EXT2: variants seen among roughly 807,000 people sequenced by gnomAD.
The protein encoded by EXT2 is exostosin-2.
A neutral mutation model predicts 81.6 loss-of-function variants in EXT2; 53 were observed. That is an observed-to-expected ratio of 0.65 (90% confidence interval 0.52 to 0.82). The LOEUF (loss-of-function observed/expected upper bound fraction) is 0.82, where lower values mean the gene tolerates loss of function less well. EXT2 is among the 40% of genes least tolerant of loss of function. EXT2 has a pLI of 0.00. For synonymous variants in EXT2, 320 were observed against 340.0 expected (o/e 0.94, Z 0.65); for missense variants, 774 against 910.2 (o/e 0.85, Z 1.93).
chr11:44,251,198 T>C lies in EXT2; in HGVS notation c.*6911T>C, dbSNP rs1453845455. 8.6e-5 allele frequency among the ~76,000 whole-genome samples: 13 copies of C among 150,618 alleles called. 1 individual carries two copies. On this transcript the variant is annotated 3_prime_UTR_variant, in exon 14 of 14. Transcript: ENST00000533608. Reference sequence around the variant, plus strand: ...AGAATTCAAGGATTTTTTTTTTCTCTTTTCATAGCACCTTCCAGTTGCCAG... The same window carrying C: ...AGAATTCAAGGATTTTTTTTTTCTCCTTTCATAGCACCTTCCAGTTGCCAG...
intron 7 of EXT2, among the ~76,000 whole-genome samples, chr11:44,147,264 A>G (rs889843572): frequency 6.6e-6 from 1 of 152,230 alleles, no homozygotes; most frequent in Non-Finnish European, 1.5e-5. Context: ...ATAGAATTGT[A>G]GTCTCCTTGG....
At chr11:44,128,896 A>C (rs976039207) in intron 6 of EXT2, among the ~76,000 whole-genome samples, 1 of 152,232 alleles carries the variant, frequency 6.6e-6, no homozygotes, top group East Asian at 1.9e-4. Context: ...GTAATATACC[A>C]GGTGCTGAGG....
At chr11:44,102,666 A>C (rs1954003099) in intron 1 of EXT2, among the ~76,000 whole-genome samples, 1 of 150,600 alleles carries the variant, frequency 6.6e-6, no homozygotes, top group South Asian at 2.1e-4. Flanking sequence ...TGCTGAGGCC[A>C]CTTGGGACTC....
chr11:44,215,197 A>C (rs1955703441), intron 10 of EXT2, among the ~76,000 whole-genome samples: 1 of 152,160 alleles, frequency 6.6e-6, no homozygotes, highest in South Asian at 2.1e-4. Context: ...TTGATAGATC[A>C]GGTCATTGAT....
chr11:44,225,764 A>C (rs1213775192), intron 10 of EXT2, among the ~76,000 whole-genome samples: 1 of 152,110 alleles, frequency 6.6e-6, no homozygotes, highest in African/African-American at 2.4e-5. Context: ...CAGCACTGTA[A>C]CCTTGGGAGA....
intron 7 of EXT2, among the ~76,000 whole-genome samples, chr11:44,132,719 C>T (rs546063732): frequency 3.9e-5 from 6 of 152,284 alleles, no homozygotes; most frequent in Admixed American, 3.9e-4. Flanking sequence ...ACTATGCCAG[C>T]TTAAAAAGAA....
At chr11:44,235,434 C>T (rs1313089446) in intron 12 of EXT2, among the ~76,000 whole-genome samples, 5 of 151,612 alleles carry the variant, frequency 3.3e-5, no homozygotes, top group South Asian at 2.1e-4. Flanking sequence ...TTAGTAGAGA[C>T]GGCATTTCAC....
chr11:44,159,415 C>T (rs1954900434), intron 7 of EXT2, among the ~76,000 whole-genome samples: 1 of 151,866 alleles, frequency 6.6e-6, no homozygotes, highest in African/African-American at 2.4e-5. Context: ...AGATTATTTC[C>T]TCAGTTATAT....
At chr11:44,197,706 TA>T in intron 8 of EXT2, 122 bp from the exon 9 acceptor site, 1 of 962,884 alleles carries the variant, frequency 1.0e-6, no homozygotes, top group Non-Finnish European at 1.6e-6. Context: ...AGCAGTTGCT[TA>T]GCTCTGGGAT....
intron 7 of EXT2, among the ~76,000 whole-genome samples, chr11:44,145,065 G>GA (rs1239509463): frequency 6.6e-6 from 1 of 151,892 alleles, no homozygotes; most frequent in Non-Finnish European, 1.5e-5. Context: ...TCCATCTTCA[G>GA]AAAAAAACTA....
At chr11:44,160,658 G>A (rs1252761578) in intron 7 of EXT2, among the ~76,000 whole-genome samples, 1 of 152,192 alleles carries the variant, frequency 6.6e-6, no homozygotes, top group African/African-American at 2.4e-5. Context: ...GATTTTGAAG[G>A]ATATTGAATG....
At chr11:44,116,969 C>CTTT (rs555225810) in intron 4 of EXT2, 2 of 137,588 alleles carry the variant, frequency 1.5e-5, no homozygotes, top group Non-Finnish European at 3.2e-5. Flanking sequence ...TTTTCACTTT[C>CTTT]TTTTTTTTTT....
At chr11:44,217,631 C>T (rs1249215891) in intron 10 of EXT2, among the ~76,000 whole-genome samples, 3 of 151,940 alleles carry the variant, frequency 2.0e-5, no homozygotes, top group African/African-American at 2.4e-5. Context: ...TACTCATTTG[C>T]GAGGGACTCC....
intron 7 of EXT2, among the ~76,000 whole-genome samples, chr11:44,166,289 A>T (rs1460816831): frequency 6.6e-6 from 1 of 152,202 alleles, no homozygotes. Context: ...CATAGGGAAG[A>T]TGGGTTATTT....
rs1209909186 is a variant in EXT2, at chr11:44,124,970, C to A, written c.925C>A (p.Pro309Thr). 6.2e-7 allele frequency: 1 copy of A among 1,612,888 alleles called. No homozygotes were observed. Among genetic ancestry groups the A allele is most frequent in the East Asian group, 2.2e-5 (1 of 44,876 alleles). Residue 309 changes from proline to threonine, a missense_variant, in exon 5 of 14, where the codon CCA becomes ACA. By Grantham distance (38) the Pro-to-Thr change is conservative. This residue lies in a region of EXT2 where 626 missense variants were observed against 670.5 expected (regional missense o/e 0.93). Coordinates refer to ENST00000533608, the MANE Select transcript of EXT2 (RefSeq NM_207122.2). ...RCHKHQVFDYPQVLQEATFCV... is the reference protein window; with the variant it reads ...RCHKHQVFDYTQVLQEATFCV... ...CCACAAGCACCAGGTCTTCGATTAC[C>A]CACAGGTGCTACAGGTGAGTGTCAT...
At chr11:44,229,451 T>A (rs1197705155) in intron 10 of EXT2, among the ~76,000 whole-genome samples, 1 of 152,158 alleles carries the variant, frequency 6.6e-6, no homozygotes, top group Non-Finnish European at 1.5e-5. Flanking sequence ...GAAGCCAAGG[T>A]TGTGGGTTTG....
intron 13 of EXT2, among the ~76,000 whole-genome samples, chr11:44,239,907 G>A (rs570323871): frequency 2.0e-4 from 30 of 152,016 alleles, no homozygotes; most frequent in African/African-American, 6.5e-4. Context: ...TCACGCATGC[G>A]CAAGTCCATT....
chr11:44,149,792 C>T (rs1003415558), intron 7 of EXT2, among the ~76,000 whole-genome samples: 2 of 152,072 alleles, frequency 1.3e-5, no homozygotes, highest in African/African-American at 4.8e-5. Context: ...ATGACATGTG[C>T]TTATATATGG....
intron 7 of EXT2, among the ~76,000 whole-genome samples, chr11:44,152,699 G>A (rs1380510180): frequency 6.6e-6 from 1 of 152,150 alleles, no homozygotes; most frequent in East Asian, 1.9e-4. Flanking sequence ...TCCATTGTGA[G>A]TAAATTTTTT....
Sources: allele counts gnomAD v4.1 joint callset (sites outside exome capture counted in the v4.1 genomes callset), GRCh38; gene constraint gnomAD v4.1.1; regional missense constraint gnomAD v4.1.1; transcripts MANE v1.5; gene names NCBI Gene and HGNC (gene_info 2026-07-23, HGNC 2026-07-21).